Variants in EMILIN2 observed in about 807,000 individuals in gnomAD.
EMILIN2 encodes the protein elastin microfibril interfacer 2, also known as EMILIN-2.
A neutral mutation model predicts 87.1 loss-of-function variants in EMILIN2; 71 were observed. The ratio of observed to expected loss-of-function variants is 0.82; its 90% confidence interval spans 0.67 to 0.99. The LOEUF (loss-of-function observed/expected upper bound fraction) is 0.99, where lower values mean the gene tolerates loss of function less well. Among genes scored for constraint, EMILIN2 ranks in the 50% least tolerant of loss-of-function variants. The probability of loss-of-function intolerance (pLI) is 0.00; values close to 1 mark genes in which losing one functional copy is unlikely to be tolerated. For missense variants in EMILIN2, 1,407 were observed against 1,371.8 expected (o/e 1.03, Z -0.40); for synonymous variants, 581 against 563.4 (o/e 1.03, Z -0.44).
chr18:2,846,993 C>T, upstream of EMILIN2: 1 of 1,021,402 alleles, frequency 9.8e-7, no homozygotes, highest in Non-Finnish European at 1.2e-6. The surrounding 1 kb of genome is among the most constrained non-coding windows in gnomAD (Gnocchi z 5.3). Context: ...AAGCGCAGGG[C>T]GCACGGGGCT....
intron 2 of EMILIN2, among the ~76,000 whole-genome samples, chr18:2,884,405 CT>C (rs2076793052): frequency 8.3e-6 from 1 of 120,374 alleles, no homozygotes; most frequent in African/African-American, 2.8e-5. Context: ...GCCACAACAC[CT>C]GGCTAAGTTT....
At chr18:2,869,127 A>G (rs2076706466) in intron 2 of EMILIN2, among the ~76,000 whole-genome samples, 1 of 152,220 alleles carries the variant, frequency 6.6e-6, no homozygotes, top group Non-Finnish European at 1.5e-5. Context: ...TTAAACCTAC[A>G]TTCTGAAACT....
rs970058942 is a variant in EMILIN2, at chr18:2,892,442, T to A, written c.2315T>A (p.Ile772Asn). The change falls in exon 4 of 8, where the codon ATT (isoleucine) becomes AAT (asparagine). Residue 772 changes from isoleucine (I) to asparagine (N), a missense_variant. Physicochemically the swap from Ile to Asn is moderately radical, Grantham distance 149. Coordinates refer to ENST00000254528, the MANE Select transcript of EMILIN2 (RefSeq NM_032048.3). ...VQQFYSHVFQ[I>N]STDLQDLVKF... is the part of the protein sequence containing the mutation. ...CAGTTCTACAGCCACGTCTTCCAGA[T>A]TTCTACTGATTTGCAAGATCTGGTC... 2.5e-6 allele frequency: 4 copies of A among 1,608,388 alleles called. No homozygotes were observed. The African/African-American group carries it at 4.0e-5, about 16-fold the overall frequency.
chr18:2,875,364 G>C (rs1246338558), intron 2 of EMILIN2, among the ~76,000 whole-genome samples: 3 of 152,228 alleles, frequency 2.0e-5, no homozygotes, highest in Non-Finnish European at 4.4e-5. Context: ...CACTCGGGGA[G>C]CTGATGAGGG....
rs7226450 is a variant in EMILIN2, at chr18:2,896,250, A to G, written c.2359+3764A>G. ...GAGTGCAGTGGCGTGATCTTGGCTC[A>G]CTGCAACCTCCGCCTCCCGGGTTCA... On this transcript the variant is annotated intron_variant, in intron 4 of 7. Coordinates refer to ENST00000254528, the MANE Select transcript of EMILIN2 (RefSeq NM_032048.3). Among the ~76,000 whole-genome samples the G allele has an allele frequency of 7.3e-3, 1,117 of 152,134 alleles. 24 individuals are homozygous for G. The highest frequency in any genetic ancestry group is 0.026 in the African/African-American group (1,060 of 41,476).
In EMILIN2 at chr18:2,869,805, T is replaced by A. The variant is rs186774766; in HGVS notation, c.258-15159T>A. Among the ~76,000 whole-genome samples, 693 of 83,286 alleles carry A rather than the reference T, an allele frequency of 8.3e-3. 6 individuals are homozygous for A. Among genetic ancestry groups the A allele is most frequent in the African/African-American group, 0.023 (670 of 29,436 alleles). 54.6% of individuals were successfully genotyped at this position (83,286 alleles called of 152,430 possible). On this transcript the variant is annotated intron_variant, in intron 2 of 7. Transcript: ENST00000254528. The stretch of plus-strand genomic sequence containing the variant: ...GTGTGTTTGTGTGTGTGTGTGTGTG[T>A]GTGTGTGTACCATCATTTGTATAGT...
At chr18:2,892,553 AT>A in intron 4 of EMILIN2, 67 bp downstream of exon 4, 4 of 1,500,354 alleles carry the variant, frequency 2.7e-6, no homozygotes. Flanking sequence ...TTTAAAAATA[AT>A]TTTTTGTTCA....
At chr18:2,910,256 A>G (rs2076934499) in intron 7 of EMILIN2, among the ~76,000 whole-genome samples, 1 of 152,170 alleles carries the variant, frequency 6.6e-6, no homozygotes, top group African/African-American at 2.4e-5. Context: ...CTCCTAGTTT[A>G]TGATGAACAG....
chr18:2,861,224 G>C (rs1416034056), intron 2 of EMILIN2, among the ~76,000 whole-genome samples: 1 of 152,154 alleles, frequency 6.6e-6, no homozygotes, highest in African/African-American at 2.4e-5. Context: ...CTGTGCAGAA[G>C]CTCTTTAGTT....
Position 2,848,016 on chromosome 18 carries a change from T to C in EMILIN2, c.257+85T>C. 7.0e-7 allele frequency: 1 copy of C among 1,419,660 alleles called. No individual in the cohort carries two copies. The highest frequency in any genetic ancestry group is 9.3e-7 in the Non-Finnish European group (1 of 1,071,716). 87.9% of individuals were successfully genotyped at this position (1,419,660 alleles called of 1,614,324 possible). ...GTGGGGTTGCTGCGCTGGGCTCCAG[T>C]CCCTCCGGTAAATCCCTTCCAGATC... On this transcript the variant is annotated intron_variant, in intron 2 of 7. Coordinates refer to ENST00000254528, the MANE Select transcript of EMILIN2 (RefSeq NM_032048.3). The surrounding 1 kb of genome is among the most constrained non-coding windows in gnomAD (Gnocchi z 4.1).
At chr18:2,905,696 G>T (rs1036886558) in intron 4 of EMILIN2, among the ~76,000 whole-genome samples, 2 of 152,012 alleles carry the variant, frequency 1.3e-5, no homozygotes, top group African/African-American at 4.8e-5. Flanking sequence ...TCCACCTCCT[G>T]GGTTCAAGTG....
chr18:2,904,357 G>A (rs1049430103), intron 4 of EMILIN2, among the ~76,000 whole-genome samples: 1 of 152,070 alleles, frequency 6.6e-6, no homozygotes, highest in African/African-American at 2.4e-5. Flanking sequence ...GTGTTTATTT[G>A]ATAATTCTCT....
chr18:2,906,807 C>A lies in EMILIN2; in HGVS notation c.2384C>A (p.Ala795Glu). The A allele has an allele frequency of 7.7e-7, 1 of 1,300,920 alleles. No individual in the cohort carries two copies. The allele number at this position is 1,300,920 out of a possible 1,614,324, so 80.6% of individuals were successfully genotyped here. The stretch of plus-strand genomic sequence containing the variant: ...GAGGCGCCCTCGCCCCCGCCGCCCG[C>A]AGAGGCCCCGAAGGAGCCGCTGCAG... ...SAKAPSPPPP[A>E]EAPKEPLQPE... Residue 795 changes from alanine to glutamate, a missense_variant, in exon 5 of 8, where the codon GCA becomes GAA. Physicochemically the swap from Ala to Glu is moderately radical, Grantham distance 107. Transcript: ENST00000254528.
chr18:2,848,003 C>T lies in EMILIN2; in HGVS notation c.257+72C>T, dbSNP rs984103283. ...CGGTGGGGGTGGGGTGGGGTTGCTG[C>T]GCTGGGCTCCAGTCCCTCCGGTAAA... On this transcript the variant is annotated intron_variant, in intron 2 of 7. Coordinates refer to ENST00000254528, the MANE Select transcript of EMILIN2 (RefSeq NM_032048.3). The surrounding 1 kb of genome is among the most constrained non-coding windows in gnomAD (Gnocchi z 4.1). 1.9e-4 allele frequency: 278 copies of T among 1,466,278 alleles called. No individual in the cohort carries two copies. The highest frequency in any genetic ancestry group is 2.4e-4 in the Middle Eastern group (1 of 4,104). The allele number at this position is 1,466,278 out of a possible 1,614,324, so 90.8% of individuals were successfully genotyped here.
chr18:2,889,550 T>C (rs1444779623), intron 3 of EMILIN2, among the ~76,000 whole-genome samples: 1 of 152,176 alleles, frequency 6.6e-6, no homozygotes, highest in Non-Finnish European at 1.5e-5. Context: ...TCAATTTATC[T>C]TCATTTTATG....
chr18:2,905,677 C>A (rs944121692), intron 4 of EMILIN2, among the ~76,000 whole-genome samples: 8 of 151,946 alleles, frequency 5.3e-5, no homozygotes, highest in African/African-American at 7.3e-5. Context: ...ATCTCGGCTC[C>A]CTGCAACCTC....
At chr18:2,862,695 G>C (rs906821577) in intron 2 of EMILIN2, among the ~76,000 whole-genome samples, 1 of 151,962 alleles carries the variant, frequency 6.6e-6, no homozygotes, top group Non-Finnish European at 1.5e-5. Flanking sequence ...TTTTTGTTGT[G>C]TCTCTGCCAG....
At chr18:2,883,621 A>G (rs1193529384) in intron 2 of EMILIN2, among the ~76,000 whole-genome samples, 1 of 152,096 alleles carries the variant, frequency 6.6e-6, no homozygotes, top group Non-Finnish European at 1.5e-5. Flanking sequence ...TTCCCTGGTG[A>G]GCCCGGGACT....
At position 2,909,914 on chromosome 18, in the gene EMILIN2, T is replaced by C. The variant is rs554412815; in HGVS notation, c.2824+95T>C. The C allele has an allele frequency of 5.2e-6, 8 of 1,550,364 alleles. No homozygotes were observed. The African/African-American group carries it at 1.1e-4, about 22-fold the overall frequency. On this transcript the variant is annotated intron_variant, in intron 7 of 7. Coordinates refer to ENST00000254528, the MANE Select transcript of EMILIN2 (RefSeq NM_032048.3). ...TGGCTGGCTGGTTCCCAGCGTCCCG[T>C]GGGCTCAGGGAGGACGCCACCCTGG...
Sources: allele counts gnomAD v4.1 joint callset (sites outside exome capture counted in the v4.1 genomes callset), GRCh38; gene constraint gnomAD v4.1.1; non-coding constraint Gnocchi (gnomAD v3.1); transcripts MANE v1.5; gene names NCBI Gene and HGNC (gene_info 2026-07-23, HGNC 2026-07-21).